Variants in RGS6 observed in about 807,000 individuals in gnomAD.
RGS6 encodes the protein regulator of G protein signaling 6.
In RGS6, 30 loss-of-function variants were observed where a neutral mutation model predicts 78.5. That is an observed-to-expected ratio of 0.38 (90% CI 0.29 to 0.52). The LOEUF (loss-of-function observed/expected upper bound fraction) is 0.52. RGS6 is among the 20% of genes least tolerant of loss of function. The pLI is 0.85. For synonymous variants in RGS6, 206 were observed against 206.0 expected (o/e 1.00, Z 0.00); for missense variants, 495 against 609.7 (o/e 0.81, Z 1.98).
the RGS6 span, among the ~76,000 whole-genome samples, chr14:72,580,025 G>T: frequency 6.6e-6 from 1 of 152,218 alleles, no homozygotes; most frequent in Non-Finnish European, 1.5e-5. Context: ...AGGACACCTA[G>T]CCTCTTAAAT....
At chr14:72,128,971 C>G (rs1282314334) in intron 2 of RGS6, among the ~76,000 whole-genome samples, 1 of 152,172 alleles carries the variant, frequency 6.6e-6, no homozygotes, top group Non-Finnish European at 1.5e-5. Flanking sequence ...TTAGCACTGA[C>G]AGTAAAATGT....
chr14:72,616,515 C>A, the RGS6 span, among the ~76,000 whole-genome samples: 2 of 152,130 alleles, frequency 1.3e-5, no homozygotes, highest in Non-Finnish European at 2.9e-5. Context: ...CACAAGAAGG[C>A]GGACATGGAA....
chr14:72,166,309 AT>A (rs1456396883), intron 2 of RGS6, among the ~76,000 whole-genome samples: 12 of 152,138 alleles, frequency 7.9e-5, no homozygotes, highest in Non-Finnish European at 1.3e-4. Flanking sequence ...AAAAGCTCCC[AT>A]TTTTTGTTAG....
chr14:71,997,830 T>G (rs940060951), intron 2 of RGS6, among the ~76,000 whole-genome samples: 1 of 152,214 alleles, frequency 6.6e-6, no homozygotes, highest in African/African-American at 2.4e-5. Flanking sequence ...CTTTATAATT[T>G]GGCTCTGTAT....
chr14:71,951,110 G>A (rs9806063), intron 1 of RGS6, among the ~76,000 whole-genome samples: 143,160 of 152,260 alleles, frequency 0.94, 67,400 homozygotes, highest in East Asian at 0.99. Context: ...ATGCATGTAT[G>A]TGTTCATTGC....
the RGS6 span, among the ~76,000 whole-genome samples, chr14:72,624,160 A>T: frequency 6.6e-6 from 1 of 152,148 alleles, no homozygotes; most frequent in East Asian, 1.9e-4. Context: ...AATAATTTTA[A>T]ACTTAGAGAA....
intron 3 of RGS6, among the ~76,000 whole-genome samples, chr14:72,417,546 C>T (rs947894207): frequency 6.6e-6 from 1 of 152,182 alleles, no homozygotes; most frequent in Non-Finnish European, 1.5e-5. Context: ...GACCCTCTGG[C>T]ACTCTCTATT....
chr14:71,913,827 A>T, the RGS6 span, among the ~76,000 whole-genome samples: 1 of 152,356 alleles, frequency 6.6e-6, no homozygotes, highest in African/African-American at 2.4e-5. Context: ...CAAGACAAAT[A>T]AATATCCTTA....
the RGS6 span, among the ~76,000 whole-genome samples, chr14:71,912,300 A>G: frequency 6.6e-6 from 1 of 152,248 alleles, no homozygotes; most frequent in Non-Finnish European, 1.5e-5. Context: ...TGGGAACTCA[A>G]TTTTTAAGGT....
chr14:72,135,119 G>C (rs1050693120), intron 2 of RGS6, among the ~76,000 whole-genome samples: 1 of 152,044 alleles, frequency 6.6e-6, no homozygotes, highest in Non-Finnish European at 1.5e-5. Context: ...TTAATTTTTT[G>C]TCTATAAGTC....
chr14:72,529,154 G>A (rs2097152274), intron 15 of RGS6, among the ~76,000 whole-genome samples: 1 of 152,208 alleles, frequency 6.6e-6, no homozygotes, highest in Non-Finnish European at 1.5e-5. Context: ...GGGAGGAGTT[G>A]CAGGGCAGGA....
intron 2 of RGS6, among the ~76,000 whole-genome samples, chr14:72,289,956 G>A (rs1172415291): frequency 1.3e-5 from 2 of 152,136 alleles, no homozygotes; most frequent in Admixed American, 6.5e-5. Flanking sequence ...TCACTTCTCA[G>A]ATTGGATTAG....
At chr14:72,382,763 A>G (rs2086532529) in intron 3 of RGS6, among the ~76,000 whole-genome samples, 1 of 152,256 alleles carries the variant, frequency 6.6e-6, no homozygotes, top group Non-Finnish European at 1.5e-5. Context: ...TGAATTAGCT[A>G]TAGGCTTTAA....
chr14:72,233,082 A>G (rs847305), intron 2 of RGS6, among the ~76,000 whole-genome samples: 50,766 of 151,856 alleles, frequency 0.33, 9,329 homozygotes, highest in South Asian at 0.46. Context: ...CTGAATGTAT[A>G]CCAGGTGTAA....
chr14:71,980,202 T>G (rs1440135152), intron 2 of RGS6, among the ~76,000 whole-genome samples: 1 of 101,338 alleles, frequency 9.9e-6, no homozygotes, highest in African/African-American at 4.0e-5. Context: ...TGATGGGTCT[T>G]GACTCTTTAT....
At chr14:71,979,017 T>C (rs1355286456) in intron 2 of RGS6, among the ~76,000 whole-genome samples, 1 of 151,348 alleles carries the variant, frequency 6.6e-6, no homozygotes, top group African/African-American at 2.4e-5. Flanking sequence ...GAGGAATTTA[T>C]CCATTTCTTC....
chr14:72,544,707 C>T (rs767118882), intron 17 of RGS6, among the ~76,000 whole-genome samples: 22 of 152,178 alleles, frequency 1.4e-4, no homozygotes, highest in African/African-American at 2.7e-4. Context: ...AGATGGGGAG[C>T]GGGAAGCTCT....
At chr14:71,982,528 A>G (rs1195418062) in intron 2 of RGS6, among the ~76,000 whole-genome samples, 1 of 152,202 alleles carries the variant, frequency 6.6e-6, no homozygotes, top group Non-Finnish European at 1.5e-5. Flanking sequence ...ATATATTTCT[A>G]GATCTCCTTT....
the RGS6 span, among the ~76,000 whole-genome samples, chr14:71,920,788 G>A: frequency 1.3e-5 from 2 of 152,104 alleles, no homozygotes; most frequent in African/African-American, 2.4e-5. Context: ...TAAATACATC[G>A]GTTTCTGGGC....
Sources: allele counts gnomAD v4.1 joint callset (sites outside exome capture counted in the v4.1 genomes callset), GRCh38; gene constraint gnomAD v4.1.1; transcripts MANE v1.5; gene names NCBI Gene and HGNC (gene_info 2026-07-23, HGNC 2026-07-21).